PARP8: variants seen among roughly 807,000 people sequenced by gnomAD.
PARP8 encodes the protein poly(ADP-ribose) polymerase family member 8, also known as protein mono-ADP-ribosyltransferase PARP8.
Under a neutral mutation model 124.1 loss-of-function variants are expected in PARP8, and 51 were observed. The observed-to-expected ratio is 0.41, with a 90% CI of 0.33 to 0.52. The LOEUF is 0.52. PARP8 is among the 20% of genes least tolerant of loss of function. The pLI is 0.21. For synonymous variants in PARP8, 391 were observed against 361.5 expected (o/e 1.08, Z -0.93); for missense variants, 860 against 1,018.9 (o/e 0.84, Z 2.12).
intron 2 of PARP8, among the ~76,000 whole-genome samples, chr5:50,734,636 G>A (rs1214445953): frequency 6.6e-6 from 1 of 151,962 alleles, no homozygotes; most frequent in Non-Finnish European, 1.5e-5. Flanking sequence ...ATGTCTCCGG[G>A]ATGGCTAATA....
At chr5:50,775,339 G>A (rs1331140871) in intron 7 of PARP8, among the ~76,000 whole-genome samples, 3 of 152,310 alleles carry the variant, frequency 2.0e-5, no homozygotes, top group South Asian at 2.1e-4. Context: ...CAGATCACTC[G>A]AGGTCAGGAG....
chr5:50,749,002 G>A (rs1277180561), intron 2 of PARP8, among the ~76,000 whole-genome samples: 2 of 152,064 alleles, frequency 1.3e-5, no homozygotes, highest in African/African-American at 4.8e-5. Flanking sequence ...CTGATAGTCT[G>A]TTTTTGTTTG....
chr5:50,797,266 T>C, intron 14 of PARP8, 33 bp downstream of exon 14: 4 of 1,417,206 alleles, frequency 2.8e-6, no homozygotes, highest in Non-Finnish European at 3.9e-6. Context: ...TCCGTGTTGG[T>C]TTAGAATATA....
At chr5:50,666,525 C>G (rs1191783488), upstream of PARP8, 1 of 151,040 alleles carries the variant, frequency 6.6e-6, no homozygotes, top group Non-Finnish European at 1.5e-5. Flanking sequence ...CCCGGCAGCC[C>G]GCGGCCGGCG....
intron 15 of PARP8, among the ~76,000 whole-genome samples, chr5:50,820,851 A>G (rs1745683894): frequency 6.6e-6 from 1 of 152,158 alleles, no homozygotes; most frequent in South Asian, 2.1e-4. Context: ...TGAAGCATCT[A>G]TTTGTTTAAC....
Position 50,778,587 on chromosome 5 carries a change from A to G in PARP8, c.607A>G (p.Ile203Val). Residue 203 changes from isoleucine to valine, a missense_variant, in exon 9 of 26, where the codon ATT becomes GTT. Physicochemically the swap from Ile to Val is conservative, Grantham distance 29 (BLOSUM62 3). Transcript: ENST00000281631. ...GGAGATTGCTGTGGCTTGGGAAGTA[A>G]TTCGAACAGAACCTATAATTGTTCG... ...DEEIAVAWEVIRTEPIIVRLH... is the reference protein window; with the variant it reads ...DEEIAVAWEVVRTEPIIVRLH... The G allele has an allele frequency of 6.2e-7, 1 of 1,610,158 alleles. No individual in the cohort carries two copies. The highest frequency in any genetic ancestry group is 8.5e-7 in the Non-Finnish European group (1 of 1,178,744).
intron 8 of PARP8, 115 bp downstream of exon 8, chr5:50,778,244 T>C: frequency 1.3e-6 from 1 of 779,010 alleles, no homozygotes; most frequent in Non-Finnish European, 2.0e-6. Flanking sequence ...ACATATTGAC[T>C]GTTAAGGTGC....
At chr5:50,756,562 C>T (rs1299892735) in intron 3 of PARP8, among the ~76,000 whole-genome samples, 1 of 152,094 alleles carries the variant, frequency 6.6e-6, no homozygotes, top group Non-Finnish European at 1.5e-5. Flanking sequence ...ATAGCTAAAA[C>T]TGTGGCTTAG....
intron 18 of PARP8, among the ~76,000 whole-genome samples, chr5:50,825,361 C>A (rs892973504): frequency 3.3e-5 from 5 of 152,128 alleles, no homozygotes; most frequent in South Asian, 2.1e-4. Context: ...TTATTGAAAT[C>A]TTTCTAATCT....
chr5:50,689,237 G>A (rs1235909223), intron 2 of PARP8, among the ~76,000 whole-genome samples: 2 of 152,050 alleles, frequency 1.3e-5, no homozygotes, highest in African/African-American at 2.4e-5. Context: ...ACTCTTGTTA[G>A]CTGTCACAGC....
At chr5:50,667,793 G>T (rs1010917239) in intron 1 of PARP8, 6 of 916,942 alleles carry the variant, frequency 6.5e-6, no homozygotes, top group African/African-American at 3.3e-5. Flanking sequence ...TCGCTACCGC[G>T]AGCCCGGCTG....
rs765385797 is a variant in PARP8, at chr5:50,794,323, C to T, written c.854C>T (p.Thr285Ile). The change falls in exon 11 of 26, where the codon ACT (threonine) becomes ATT (isoleucine). Residue 285 changes from threonine to isoleucine, a missense_variant. Thr to Ile is a moderately conservative substitution (Grantham distance 89, BLOSUM62 -1). This residue lies in a region of PARP8 where 517 missense variants were observed against 544.2 expected (regional missense o/e 0.95). Transcript: ENST00000281631. The stretch of plus-strand genomic sequence containing the variant: ...AAGTCTCCCCTGCATTTATTTTCTA[C>T]TTTGCGCAGGTTGGTAACAGGCAAC... ...KVKSPLHLFS[T>I]LRRSPSYPPP... 6.2e-7 allele frequency: 1 copy of T among 1,613,016 alleles called. No individual in the cohort carries two copies. Among genetic ancestry groups the T allele is most frequent in the South Asian group, 1.1e-5 (1 of 91,000 alleles).
At chr5:50,666,076 T>C (rs964699100), upstream of PARP8, 2 of 152,058 alleles carry the variant, frequency 1.3e-5, no homozygotes, top group African/African-American at 4.8e-5. Flanking sequence ...ACTGGTGAGT[T>C]TCAAGAGGAG....
chr5:50,842,545 G>A lies in PARP8; in HGVS notation c.*477G>A, dbSNP rs1748283134. The A allele has an allele frequency of 1.3e-5, 2 of 152,900 alleles. No homozygotes were observed. The highest frequency in any genetic ancestry group is 4.8e-5 in the African/African-American group (2 of 41,338). The allele number at this position is 152,900 out of a possible 1,614,324, so 9.5% of individuals were successfully genotyped here. On this transcript the variant is annotated 3_prime_UTR_variant, in exon 26 of 26. Transcript: ENST00000281631. The stretch of plus-strand genomic sequence containing the variant: ...TGGGCATTCTAATGTTTTGGAAGGG[G>A]TGTTCCCTATTCTATTTTTCTTCAT...
At chr5:50,737,185 G>A (rs1297956424) in intron 2 of PARP8, among the ~76,000 whole-genome samples, 3 of 152,078 alleles carry the variant, frequency 2.0e-5, no homozygotes, top group South Asian at 2.1e-4. Context: ...CTAGTTCTTA[G>A]GCCAGTTTTC....
In PARP8 at chr5:50,795,415, G is replaced by T. The variant is rs370470653; in HGVS notation, c.1426G>T (p.Ala476Ser). 52 of 1,580,366 alleles carry T rather than the reference G, an allele frequency of 3.3e-5. No homozygotes were observed. Among genetic ancestry groups the T allele is most frequent in the Non-Finnish European group, 3.9e-5 (45 of 1,167,632 alleles). Residue 476 changes from alanine (A) to serine (S), a missense_variant and splice_region_variant, in exon 12 of 26, where the codon GCT becomes TCT. Physicochemically the swap from Ala to Ser is moderately conservative, Grantham distance 99. Transcript: ENST00000281631. ...TPSSSSSSQL[A>S]PNGAKCIPVR... ...ATCTTCATCTTCATCTTCTCAGCTT[G>T]CTGTGCGTAAATATTTTCATCTTGA...
At position 50,725,189 on chromosome 5, in the gene PARP8, T is replaced by G. The variant is rs538017860; in HGVS notation, c.147-24962T>G. Among the ~76,000 whole-genome samples the G allele has an allele frequency of 4.6e-5, 7 of 151,794 alleles. No individual in the cohort carries two copies. The South Asian group carries it at 1.5e-3, about 32-fold the overall frequency. The stretch of plus-strand genomic sequence containing the variant: ...ATAAAACATGTTCTGTATCCACTCA[T>G]TAGTTGATGGGCACTTAGATTGGTT... On this transcript the variant is annotated intron_variant, in intron 2 of 25. Coordinates refer to ENST00000281631, the MANE Select transcript of PARP8 (RefSeq NM_024615.4).
intron 24 of PARP8, among the ~76,000 whole-genome samples, chr5:50,834,259 A>G (rs1747318179): frequency 6.6e-6 from 1 of 152,202 alleles, no homozygotes; most frequent in South Asian, 2.1e-4. Context: ...AGAGAGTGAT[A>G]TATTTTATTT....
chr5:50,731,468 T>A (rs1023649659), intron 2 of PARP8, among the ~76,000 whole-genome samples: 1 of 152,188 alleles, frequency 6.6e-6, no homozygotes, highest in African/African-American at 2.4e-5. Flanking sequence ...CTGGGAAATA[T>A]GGTAGAGTTT....
Sources: allele counts gnomAD v4.1 joint callset (sites outside exome capture counted in the v4.1 genomes callset), GRCh38; gene constraint gnomAD v4.1.1; regional missense constraint gnomAD v4.1.1; transcripts MANE v1.5; gene names NCBI Gene and HGNC (gene_info 2026-07-23, HGNC 2026-07-21).